Variants in MACROD2 observed in about 807,000 individuals in gnomAD.
MACROD2 encodes the protein mono-ADP ribosylhydrolase 2.
A neutral mutation model predicts 70.4 loss-of-function variants in MACROD2; 36 were observed. That is an observed-to-expected ratio of 0.51 (90% CI 0.39 to 0.68). The LOEUF is 0.68. Among genes scored for constraint, MACROD2 ranks in the 30% least tolerant of loss-of-function variants. MACROD2 has a pLI of 0.00. For synonymous variants in MACROD2, 172 were observed against 178.8 expected, an observed-to-expected ratio of 0.96 and a Z score of 0.30; for missense variants, 496 against 538.4, an observed-to-expected ratio of 0.92 and a Z score of 0.78.
At chr20:14,553,603 A>G (rs1978818354) in intron 4 of MACROD2, among the ~76,000 whole-genome samples, 1 of 152,044 alleles carries the variant, frequency 6.6e-6, no homozygotes. Flanking sequence ...TCATTGTGCT[A>G]TGATGTCATG....
intron 5 of MACROD2, among the ~76,000 whole-genome samples, chr20:14,699,964 TTTTAAATCTAGAAGTTTAAAGTTTAAAG>T (rs1568745628): frequency 0.013 from 1,911 of 143,818 alleles, 29 homozygotes; most frequent in South Asian, 0.024. Flanking sequence ...AGTTTAAACT[TTTTAAATCTAGAAGTTTAAAGTTTAAAG>T]TTTAAATCTA....
intron 8 of MACROD2, among the ~76,000 whole-genome samples, chr20:15,618,095 CTTTTT>C (rs398035424): frequency 2.8e-5 from 2 of 70,840 alleles, no homozygotes; most frequent in Non-Finnish European, 5.0e-5. Flanking sequence ...CATCATTAGT[CTTTTT>C]TTTTTTTTTT....
intron 2 of MACROD2, among the ~76,000 whole-genome samples, chr20:14,033,669 C>T (rs1302061950): frequency 6.6e-6 from 1 of 152,146 alleles, no homozygotes. Flanking sequence ...AAATACAAGT[C>T]TTTCTTTCAA....
chr20:15,685,527 A>G (rs2050214335), intron 8 of MACROD2, among the ~76,000 whole-genome samples: 2 of 152,200 alleles, frequency 1.3e-5, no homozygotes, highest in Admixed American at 1.3e-4. Flanking sequence ...TTCATGGAGA[A>G]GTCTTTACTT....
chr20:14,182,778 T>C (rs1203527433), intron 3 of MACROD2, among the ~76,000 whole-genome samples: 1 of 151,952 alleles, frequency 6.6e-6, no homozygotes, highest in African/African-American at 2.4e-5. Context: ...CTCCTGTTTC[T>C]TTAGCTTCAA....
chr20:14,578,505 TTCAG>T (rs966278073), intron 4 of MACROD2, among the ~76,000 whole-genome samples: 5 of 152,176 alleles, frequency 3.3e-5, no homozygotes, highest in African/African-American at 4.8e-5. Flanking sequence ...AAGAATCCTG[TTCAG>T]TCAAATATTT....
intron 2 of MACROD2, among the ~76,000 whole-genome samples, chr20:14,067,644 T>G (rs960525003): frequency 1.2e-4 from 19 of 152,172 alleles, no homozygotes; most frequent in African/African-American, 4.3e-4. Flanking sequence ...AACTAAATTG[T>G]TTTTTAGCAG....
At chr20:15,102,305 A>G (rs1313514961) in intron 5 of MACROD2, among the ~76,000 whole-genome samples, 1 of 152,086 alleles carries the variant, frequency 6.6e-6, no homozygotes, top group African/African-American at 2.4e-5. Flanking sequence ...AATATTGCCA[A>G]GCATGTGAAT....
intron 3 of MACROD2, among the ~76,000 whole-genome samples, chr20:14,159,182 G>A (rs2055148503): frequency 6.6e-6 from 1 of 152,154 alleles, no homozygotes; most frequent in South Asian, 2.1e-4. Flanking sequence ...AGGTTGCAAT[G>A]AGCCTAGATT....
chr20:14,762,798 T>G lies in MACROD2; in HGVS notation c.418+77839T>G, dbSNP rs1046757902. Among the ~76,000 whole-genome samples the G allele has an allele frequency of 5.9e-5, 9 of 152,070 alleles. No individual in the cohort carries two copies. In the East Asian group the frequency reaches 1.5e-3, roughly 26 times the overall value. On this transcript the variant is annotated intron_variant, in intron 5 of 17. Coordinates refer to ENST00000684519, the MANE Select transcript of MACROD2 (RefSeq NM_001351661.2). ...TGCAAAAATTAGCCAGATGTGGCTGTGGGCATCTGTAGTCCCAGCTACTGG... is the reference window on the plus strand; with the variant it reads ...TGCAAAAATTAGCCAGATGTGGCTGGGGGCATCTGTAGTCCCAGCTACTGG...
chr20:15,366,096 A>G (rs942351174), intron 6 of MACROD2, among the ~76,000 whole-genome samples: 2 of 152,154 alleles, frequency 1.3e-5, no homozygotes, highest in African/African-American at 4.8e-5. Context: ...ACAGAGAGGG[A>G]TTATTATTAT....
At chr20:14,367,845 C>A (rs1335908904) in intron 3 of MACROD2, among the ~76,000 whole-genome samples, 1 of 151,964 alleles carries the variant, frequency 6.6e-6, no homozygotes, top group Non-Finnish European at 1.5e-5. Flanking sequence ...ATTATCTTTA[C>A]AAATTCTGTC....
intron 8 of MACROD2, among the ~76,000 whole-genome samples, chr20:15,541,618 A>G (rs2047956881): frequency 6.6e-6 from 1 of 152,172 alleles, no homozygotes; most frequent in South Asian, 2.1e-4. Flanking sequence ...TCTTCAGAAA[A>G]CTGGAACATT....
intron 2 of MACROD2, among the ~76,000 whole-genome samples, chr20:14,024,608 T>A (rs1193704263): frequency 6.6e-6 from 1 of 152,180 alleles, no homozygotes; most frequent in East Asian, 1.9e-4. Flanking sequence ...GGTGTTAAAT[T>A]TTCTGTATCT....
At chr20:15,553,701 T>G (rs1423725069) in intron 8 of MACROD2, among the ~76,000 whole-genome samples, 1 of 152,246 alleles carries the variant, frequency 6.6e-6, no homozygotes, top group African/African-American at 2.4e-5. Context: ...ATTACAGGCA[T>G]GCTGGGCACA....
chr20:15,027,675 T>C (rs1376007311), intron 5 of MACROD2, among the ~76,000 whole-genome samples: 1 of 141,182 alleles, frequency 7.1e-6, no homozygotes, highest in Admixed American at 7.3e-5. Context: ...AGGAGTTCAA[T>C]ACCAGCCTGG....
intron 8 of MACROD2, among the ~76,000 whole-genome samples, chr20:15,641,728 C>A (rs1179706460): frequency 6.6e-6 from 1 of 152,142 alleles, no homozygotes; most frequent in Admixed American, 6.5e-5. Flanking sequence ...AATTATTCAT[C>A]TGAAGACAAG....
intron 2 of MACROD2, among the ~76,000 whole-genome samples, chr20:14,069,300 G>A (rs558047976): frequency 6.6e-6 from 1 of 152,156 alleles, no homozygotes; most frequent in East Asian, 1.9e-4. Flanking sequence ...AAAATCAGGG[G>A]ATTTTACATT....
In MACROD2 at chr20:15,166,943, TTAAG is replaced by T. The variant is rs2145882453; in HGVS notation, c.419-62994_419-62991del. 2.0e-5 allele frequency among the ~76,000 whole-genome samples: 3 copies of T among 150,526 alleles called. No individual in the cohort carries two copies. The South Asian group carries it at 6.3e-4, about 31-fold the overall frequency. On this transcript the variant is annotated intron_variant, in intron 5 of 17. Coordinates refer to ENST00000684519, the MANE Select transcript of MACROD2 (RefSeq NM_001351661.2). ...TAAGTATTAAATTTAAGTATTTAATTTAAGTATTAAATTATTTAAGTATTAAATT... is the reference window on the plus strand; with the variant it reads ...TAAGTATTAAATTTAAGTATTTAATTTATTAAATTATTTAAGTATTAAATT...
Sources: allele counts gnomAD v4.1 joint callset (sites outside exome capture counted in the v4.1 genomes callset), GRCh38; gene constraint gnomAD v4.1.1; transcripts MANE v1.5; gene names NCBI Gene and HGNC (gene_info 2026-07-23, HGNC 2026-07-21).